TASOR: variants seen among roughly 807,000 people sequenced by gnomAD.
TASOR encodes the protein protein TASOR.
Under a neutral mutation model 178.6 loss-of-function variants are expected in TASOR, and 53 were observed. The observed-to-expected ratio is 0.30, with a 90% CI of 0.24 to 0.37. The LOEUF is 0.37. Ranked by LOEUF, TASOR falls within the 10% of genes least tolerant of loss-of-function variation. The pLI, the probability that TASOR is intolerant of heterozygous loss-of-function variation, is 1.00. For missense variants in TASOR, 1,815 were observed against 1,971.4 expected, an observed-to-expected ratio of 0.92 and a Z score of 1.50; for synonymous variants, 713 against 696.2, an observed-to-expected ratio of 1.02 and a Z score of -0.38.
rs1480193544 is a variant in TASOR at position 56,647,127 on chromosome 3, T to C, written c.1610A>G (p.Gln537Arg). ...TATATTTTTGAATTCCTTTCGACAC[T>C]GAATCAAAGAAAATTGTAAAAACTG... ...IAQFLQFSLI[Q>R]CRKEFKNISA... Residue 537 changes from glutamine (Q) to arginine (R), a missense_variant, in exon 14 of 24, where the codon CAG becomes CGG. Physicochemically the swap from Gln to Arg is conservative, Grantham distance 43. Coordinates refer to ENST00000683822, the MANE Select transcript of TASOR (RefSeq NM_001365635.2). The C allele has an allele frequency of 1.2e-6, 2 of 1,605,338 alleles. No homozygotes were observed. The highest frequency in any genetic ancestry group is 1.7e-6 in the Non-Finnish European group (2 of 1,178,090).
intron 18 of TASOR, among the ~76,000 whole-genome samples, chr3:56,631,584 G>GTTTTTTTTTTT (rs932459148): frequency 8.8e-6 from 1 of 113,428 alleles, no homozygotes; most frequent in Non-Finnish European, 1.8e-5. Flanking sequence ...GTGTTTTTTT[G>GTTTTTTTTTTT]TTTTTTTTTT....
At chr3:56,634,766 G>A (rs2076984454) in intron 17 of TASOR, among the ~76,000 whole-genome samples, 1 of 152,116 alleles carries the variant, frequency 6.6e-6, no homozygotes, top group South Asian at 2.1e-4. Flanking sequence ...TTGACAAACA[G>A]CTCAATCCAA....
intron 18 of TASOR, among the ~76,000 whole-genome samples, chr3:56,632,696 G>A: frequency 6.6e-6 from 1 of 151,858 alleles, no homozygotes; most frequent in East Asian, 1.9e-4. Context: ...TATTACCTAG[G>A]CTGGCACAAT....
intron 23 of TASOR, chr3:56,623,786 G>A (rs2076740303): frequency 3.9e-6 from 6 of 1,551,336 alleles, no homozygotes; most frequent in Non-Finnish European, 4.4e-6. Flanking sequence ...ATGTGTTCAC[G>A]TTTAATGTTG....
chr3:56,669,895 T>C, intron 4 of TASOR, 104 bp from the exon 5 acceptor site: 1 of 973,728 alleles, frequency 1.0e-6, no homozygotes. Flanking sequence ...TTTGAGGTGT[T>C]CAAAAATCAG....
chr3:56,621,791 G>T lies in TASOR; in HGVS notation c.*1246C>A. Reference sequence around the variant, plus strand: ...TGTACTTGTTCTATACAATAAAACAGATACTTCTTTTGTAAAAGCTTAGTA... The same window carrying T: ...TGTACTTGTTCTATACAATAAAACATATACTTCTTTTGTAAAAGCTTAGTA... On this transcript the variant is annotated 3_prime_UTR_variant, in exon 24 of 24. Transcript: ENST00000683822. 3.0e-4 allele frequency: 49 copies of T among 162,604 alleles called. No individual in the cohort carries two copies. Among genetic ancestry groups the T allele is most frequent in the Middle Eastern group, 2.8e-3 (1 of 354 alleles). The allele number at this position is 162,604 out of a possible 1,614,324, so 10.1% of individuals were successfully genotyped here.
Position 56,666,340 on chromosome 3 carries a change from T to C in TASOR, c.942A>G (p.Pro314=), listed in dbSNP as rs1052717725. 2 of 1,546,162 alleles carry C rather than the reference T, an allele frequency of 1.3e-6. No homozygotes were observed. The highest frequency in any genetic ancestry group is 2.0e-5 in the Admixed American group (1 of 50,262). ...EYGFDELRRR[P]RHVCPYAVVS... Reference sequence around the variant, plus strand: ...CAACTGCATATGGACAAACGTGTCTTGGTCTTCGCCTTAGCTCATCAAAGC... The same window carrying C: ...CAACTGCATATGGACAAACGTGTCTCGGTCTTCGCCTTAGCTCATCAAAGC... Residue 314 remains proline (P), a synonymous_variant, in exon 7 of 24, where the codon CCA becomes CCG. Coordinates refer to ENST00000683822, the MANE Select transcript of TASOR (RefSeq NM_001365635.2).
At chr3:56,670,494 C>G (rs1257159583) in intron 3 of TASOR, among the ~76,000 whole-genome samples, 2 of 152,180 alleles carry the variant, frequency 1.3e-5, no homozygotes, top group Middle Eastern at 3.2e-3. Flanking sequence ...GTGCTCACCA[C>G]CATGCCTGGC....
intron 11 of TASOR, among the ~76,000 whole-genome samples, chr3:56,656,327 C>G (rs1254313428): frequency 1.3e-5 from 2 of 152,192 alleles, no homozygotes; most frequent in African/African-American, 4.8e-5. Context: ...GCGGTTCACA[C>G]CTGTAATCCC....
intron 23 of TASOR, among the ~76,000 whole-genome samples, 162 bp downstream of exon 23, chr3:56,624,317 C>T (rs188768578): frequency 1.1e-4 from 16 of 152,296 alleles, no homozygotes; most frequent in African/African-American, 3.6e-4. Flanking sequence ...AGATCTTGTG[C>T]ATGCTAAGTA....
chr3:56,669,134 T>G (rs951988441), intron 5 of TASOR, among the ~76,000 whole-genome samples: 48 of 152,282 alleles, frequency 3.2e-4, no homozygotes, highest in African/African-American at 1.1e-3. Context: ...ATAAATCATA[T>G]TACCAACATA....
chr3:56,682,691 T>C lies in TASOR; in HGVS notation c.316A>G (p.Ser106Gly). 6.8e-7 allele frequency: 1 copy of C among 1,474,322 alleles called. No homozygotes were observed. Among genetic ancestry groups the C allele is most frequent in the Non-Finnish European group, 9.0e-7 (1 of 1,110,042 alleles). The allele number at this position is 1,474,322 out of a possible 1,614,324, so 91.3% of individuals were successfully genotyped here. The part of the protein sequence containing the change: ...VRRSFQIPRK[S>G]REKKALFQPL... ...GAGGCACCACCTTTCTTTTCTCTGC[T>C]CTTCCTGGGGATCTGAAAACTCCTC... The change falls in exon 1 of 24, where the codon AGC (serine) becomes GGC (glycine). Residue 106 changes from serine to glycine, a missense_variant. Transcript: ENST00000683822.
chr3:56,656,645 G>C (rs1382879456), intron 11 of TASOR, among the ~76,000 whole-genome samples: 1 of 151,268 alleles, frequency 6.6e-6, no homozygotes, highest in African/African-American at 2.4e-5. Context: ...ATCAAAAAAT[G>C]TAAGACAGCT....
intron 1 of TASOR, among the ~76,000 whole-genome samples, chr3:56,681,255 TGATTACACTG>T (rs2031761228): frequency 6.6e-6 from 1 of 152,180 alleles, no homozygotes; most frequent in Admixed American, 6.5e-5. Context: ...CTCTACCAAT[TGATTACACTG>T]GGAACTTTTC....
chr3:56,655,354 T>C (rs2077447899), intron 11 of TASOR, among the ~76,000 whole-genome samples: 1 of 152,184 alleles, frequency 6.6e-6, no homozygotes, highest in African/African-American at 2.4e-5. Flanking sequence ...AGACCCCCAG[T>C]GAATGTCTGA....
Position 56,621,151 on chromosome 3 carries a change from T to C in TASOR, c.*1886A>G. The C allele has an allele frequency of 7.1e-6, 1 of 141,220 alleles. No individual in the cohort carries two copies. Among genetic ancestry groups the C allele is most frequent in the Non-Finnish European group, 1.5e-5 (1 of 68,286 alleles). 8.7% of individuals were successfully genotyped at this position (141,220 alleles called of 1,614,324 possible). A position where few individuals can be genotyped will look rare whatever the true frequency, so the allele number is the denominator to read the frequency against. ...TCCAGCTTGGGCGACAGAGCGAGAC[T>C]CCATCTCCAAAAAAAAACAAAACAA... On this transcript the variant is annotated 3_prime_UTR_variant, in exon 24 of 24. Transcript: ENST00000683822.
At chr3:56,676,187 C>T (rs2031280483) in intron 1 of TASOR, among the ~76,000 whole-genome samples, 1 of 152,242 alleles carries the variant, frequency 6.6e-6, no homozygotes, top group African/African-American at 2.4e-5. Context: ...TTTCCCACAT[C>T]CCAGTAGCTA....
rs1379504711 is a variant in TASOR at position 56,622,342 on chromosome 3, T to C, written c.*695A>G. 6.6e-6 allele frequency: 1 copy of C among 152,164 alleles called. No homozygotes were observed. 9.4% of individuals were successfully genotyped at this position (152,164 alleles called of 1,614,324 possible). On this transcript the variant is annotated 3_prime_UTR_variant, in exon 24 of 24. Coordinates refer to ENST00000683822, the MANE Select transcript of TASOR (RefSeq NM_001365635.2). ...TATACTTCCATTTTGCTAAAACTAA[T>C]TTAAAAATCAAATTGTTCAACGCCT...
rs1395767940 is a variant in TASOR at position 56,633,098 on chromosome 3, A to G, written c.3693T>C (p.Thr1231=). ...CTTCTTCATGAATATAAAATTTCAC[A>G]GTATTTTTCTGGACGTCTTTCATGA... ...VKIMKDVQKN[T]VKFYIHEEEE... is the part of the protein sequence containing the mutation. The change falls in exon 18 of 24, where the codon ACT becomes ACC. Residue 1231 remains threonine (T), a synonymous_variant. Transcript: ENST00000683822. 3 of 1,609,012 alleles carry G rather than the reference A, an allele frequency of 1.9e-6. No homozygotes were observed. Among genetic ancestry groups the G allele is most frequent in the South Asian group, 1.1e-5 (1 of 89,968 alleles).
Sources: gnomAD v4.1 joint callset for allele counts (sites outside exome capture counted in the v4.1 genomes callset) on GRCh38, gnomAD v4.1.1 for gene constraint, MANE v1.5 for transcripts, NCBI Gene and HGNC (gene_info 2026-07-23, HGNC 2026-07-21) for gene names.